GPR137B: variants seen among roughly 807,000 people sequenced by gnomAD.
The protein encoded by GPR137B is G protein-coupled receptor 137B.
GPR137B carries 42 observed loss-of-function variants against 42.5 expected under a neutral mutation model. The ratio of observed to expected loss-of-function variants is 0.99; its 90% CI spans 0.77 to 1.28. The LOEUF is 1.28. GPR137B is among the 50% of genes most tolerant of loss of function. GPR137B has a pLI of 0.00. For synonymous variants in GPR137B, 218 were observed against 209.7 expected (o/e 1.04, Z -0.34); for missense variants, 487 against 493.9 (o/e 0.99, Z 0.13).
chr1:236,163,689 C>A, intron 1 of GPR137B, among the ~76,000 whole-genome samples: 1 of 152,178 alleles, frequency 6.6e-6, no homozygotes. Context: ...TCTCTTGCTG[C>A]TGCCATGTAA....
chr1:236,176,705 C>T (rs1662696927), intron 2 of GPR137B, among the ~76,000 whole-genome samples: 1 of 152,148 alleles, frequency 6.6e-6, no homozygotes, highest in South Asian at 2.1e-4. Context: ...AAAAGGGCAG[C>T]CCTTGATAGC....
intron 2 of GPR137B, among the ~76,000 whole-genome samples, chr1:236,172,862 AT>A (rs577218299): frequency 5.5e-4 from 80 of 144,548 alleles, no homozygotes; most frequent in Admixed American, 1.7e-3. Flanking sequence ...TTAAAAAAAA[AT>A]TTTTTTTTTT....
chr1:236,191,920 G>A (rs1421329633), intron 5 of GPR137B, among the ~76,000 whole-genome samples: 6 of 152,178 alleles, frequency 3.9e-5, no homozygotes, highest in Non-Finnish European at 8.8e-5. Flanking sequence ...CTGAAGCTGT[G>A]CCCACAGCTG....
intron 1 of GPR137B, among the ~76,000 whole-genome samples, chr1:236,163,518 G>A (rs562951328): frequency 2.0e-5 from 3 of 152,170 alleles, no homozygotes; most frequent in Non-Finnish European, 4.4e-5. Context: ...AACTTGAATT[G>A]TATCTCCCGG....
chr1:236,190,553 C>G (rs1404859916), intron 5 of GPR137B, among the ~76,000 whole-genome samples: 1 of 152,128 alleles, frequency 6.6e-6, no homozygotes, highest in Non-Finnish European at 1.5e-5. Flanking sequence ...TCAGCATTTG[C>G]TTGTCTATAA....
rs899392475 is a variant in GPR137B, at chr1:236,143,037, G to C, written c.414+1G>C. The C allele has an allele frequency of 7.5e-6, 12 of 1,607,418 alleles. No homozygotes were observed. Among genetic ancestry groups the C allele is most frequent in the Non-Finnish European group, 9.3e-6 (11 of 1,177,080 alleles). The stretch of plus-strand genomic sequence containing the variant: ...GCTGATGAACTTGTACTTCACGCAG[G>C]TGAGTTTCAGAGAGGCTCCTGGAGG... On this transcript the variant is annotated splice_donor_variant, in intron 1 of 6. Transcript: ENST00000366592. LOFTEE classifies it high-confidence loss of function.
chr1:236,148,629 G>C (rs369163854), intron 1 of GPR137B, among the ~76,000 whole-genome samples: 173 of 152,264 alleles, frequency 1.1e-3, no homozygotes, highest in African/African-American at 4.0e-3. Context: ...TCGGGGTCTG[G>C]TCTGTTCTGT....
At chr1:236,146,745 A>C (rs1222710303) in intron 1 of GPR137B, among the ~76,000 whole-genome samples, 3 of 152,174 alleles carry the variant, frequency 2.0e-5, no homozygotes, top group Admixed American at 6.5e-5. Flanking sequence ...ACTGCTTTTA[A>C]ATTCTGCCAT....
chr1:236,207,126 G>T, intron 6 of GPR137B: 1 of 984,940 alleles, frequency 1.0e-6, no homozygotes. Flanking sequence ...AAGAGTCCTT[G>T]TTTTAGGGAC....
In GPR137B at chr1:236,163,934, C is replaced by G. The variant is rs112133111; in HGVS notation, c.415-4772C>G. ...CCATACCTCGACACACTTTTCACAT[C>G]TCCTCCCATCTCCTCCCACCTCCCA... On this transcript the variant is annotated intron_variant, in intron 1 of 6. Transcript: ENST00000366592. Among the ~76,000 whole-genome samples the G allele has an allele frequency of 3.4e-3, 513 of 150,652 alleles. 1 individual carries two copies. The highest frequency in any genetic ancestry group is 6.8e-3 in the Middle Eastern group (2 of 292).
chr1:236,152,078 G>A (rs776498914), intron 1 of GPR137B, among the ~76,000 whole-genome samples: 5 of 152,082 alleles, frequency 3.3e-5, no homozygotes, highest in Non-Finnish European at 5.9e-5. Context: ...AGAGGGCCTC[G>A]TCCTCCCAGC....
At chr1:236,182,201 C>G (rs1472899323) in intron 4 of GPR137B, among the ~76,000 whole-genome samples, 3 of 152,088 alleles carry the variant, frequency 2.0e-5, no homozygotes, top group African/African-American at 7.2e-5. Context: ...CCTATTTTAA[C>G]CATTTTTAAG....
At chr1:236,152,077 C>T (rs34697090) in intron 1 of GPR137B, among the ~76,000 whole-genome samples, 21,448 of 152,110 alleles carry the variant, frequency 0.14, 1,903 homozygotes, top group Admixed American at 0.25. Flanking sequence ...GAGAGGGCCT[C>T]GTCCTCCCAG....
intron 5 of GPR137B, among the ~76,000 whole-genome samples, chr1:236,202,667 A>G (rs1474901237): frequency 6.6e-6 from 1 of 150,888 alleles, no homozygotes; most frequent in Non-Finnish European, 1.5e-5. Context: ...CAAATCTGAA[A>G]TCCATTCCCT....
intron 4 of GPR137B, among the ~76,000 whole-genome samples, chr1:236,181,441 A>T (rs1176043904): frequency 6.6e-6 from 1 of 152,216 alleles, no homozygotes; most frequent in Non-Finnish European, 1.5e-5. Context: ...ACTAAGGAAA[A>T]GAGACACACA....
chr1:236,187,457 G>GT (rs1436732070), intron 5 of GPR137B, among the ~76,000 whole-genome samples: 1 of 152,082 alleles, frequency 6.6e-6, no homozygotes, highest in African/African-American at 2.4e-5. Flanking sequence ...GATTTTTATG[G>GT]TTTTAGGTCT....
At chr1:236,175,457 A>G (rs994544928) in intron 2 of GPR137B, among the ~76,000 whole-genome samples, 2 of 152,238 alleles carry the variant, frequency 1.3e-5, no homozygotes, top group Non-Finnish European at 2.9e-5. Flanking sequence ...GTAAGTGGCC[A>G]GACAGTGCGT....
intron 2 of GPR137B, among the ~76,000 whole-genome samples, chr1:236,177,252 G>A (rs1032101528): frequency 2.6e-5 from 4 of 152,158 alleles, no homozygotes; most frequent in African/African-American, 7.2e-5. Context: ...AGCTGGGCAT[G>A]GACCTGGGTG....
Position 236,171,285 on chromosome 1 carries a change from C to T in GPR137B, c.464+2530C>T, listed in dbSNP as rs1440322727. On this transcript the variant is annotated intron_variant, in intron 2 of 6. Transcript: ENST00000366592. The surrounding 1 kb of genome is among the most constrained non-coding windows in gnomAD (Gnocchi z 4.4). ...AATTTTTGGGTTAGGGATGGTCAAC[C>T]TGTATAAAGTACAAGTAGACAGTTC... 6.6e-6 allele frequency among the ~76,000 whole-genome samples: 1 copy of T among 152,186 alleles called. No individual in the cohort carries two copies. The highest frequency in any genetic ancestry group is 1.5e-5 in the Non-Finnish European group (1 of 68,034).
Sources: allele counts gnomAD v4.1 joint callset (sites outside exome capture counted in the v4.1 genomes callset), GRCh38; gene constraint gnomAD v4.1.1; non-coding constraint Gnocchi (gnomAD v3.1); transcripts MANE v1.5; gene names NCBI Gene and HGNC (gene_info 2026-07-23, HGNC 2026-07-21).